The following CSGALNACT1 variants were observed in gnomAD, a reference collection of about 807,000 sequenced individuals.
The protein encoded by CSGALNACT1 is chondroitin sulfate N-acetylgalactosaminyltransferase 1.
CSGALNACT1 carries 52 observed loss-of-function variants against 51.0 expected under a neutral mutation model. That is an observed-to-expected ratio of 1.02 (90% CI 0.82 to 1.29). The LOEUF is 1.29. Ranked by LOEUF, CSGALNACT1 falls within the 50% of genes most tolerant of loss-of-function variation. The pLI, the probability that CSGALNACT1 is intolerant of heterozygous loss-of-function variation, is 0.00. For synonymous variants in CSGALNACT1, 341 were observed against 254.4 expected (o/e 1.34, Z -3.24); for missense variants, 935 against 679.2 (o/e 1.38, Z -4.19).
intron 1 of CSGALNACT1, among the ~76,000 whole-genome samples, chr8:19,617,642 A>G (rs1241604840): frequency 6.6e-6 from 1 of 152,216 alleles, no homozygotes; most frequent in African/African-American, 2.4e-5. Context: ...CCCCAGGATA[A>G]TTCTGAACAA....
At chr8:19,510,695 G>C (rs1202014421) in intron 3 of CSGALNACT1, among the ~76,000 whole-genome samples, 4 of 152,182 alleles carry the variant, frequency 2.6e-5, no homozygotes, top group African/African-American at 9.7e-5. Context: ...GGTGAGGAGT[G>C]GGAGATGGGA....
intron 3 of CSGALNACT1, among the ~76,000 whole-genome samples, chr8:19,518,925 A>C (rs2080094362): frequency 6.6e-6 from 1 of 152,218 alleles, no homozygotes; most frequent in Non-Finnish European, 1.5e-5. Context: ...CAGTGAAAAG[A>C]AGCACAGAAA....
At chr8:19,724,857 AAC>A (rs2063310045) in intron 1 of CSGALNACT1, among the ~76,000 whole-genome samples, 1 of 152,156 alleles carries the variant, frequency 6.6e-6, no homozygotes, top group Non-Finnish European at 1.5e-5. Flanking sequence ...TGGAGTGGGA[AAC>A]ACAGAGTGCC....
intron 3 of CSGALNACT1, among the ~76,000 whole-genome samples, chr8:19,569,872 A>G (rs934695458): frequency 6.6e-6 from 1 of 152,238 alleles, no homozygotes; most frequent in African/African-American, 2.4e-5. Flanking sequence ...CACAGCAACC[A>G]AATAGAACAA....
chr8:19,448,575 G>A (rs118071286), intron 5 of CSGALNACT1, among the ~76,000 whole-genome samples: 2,382 of 152,264 alleles, frequency 0.016, 31 homozygotes, highest in Non-Finnish European at 0.024. Flanking sequence ...AAAAGGCTGA[G>A]AGGAGAGCAC....
At chr8:19,483,747 ACT>A (rs1029589423) in intron 4 of CSGALNACT1, among the ~76,000 whole-genome samples, 8 of 152,194 alleles carry the variant, frequency 5.3e-5, no homozygotes, top group Admixed American at 5.2e-4. Context: ...CAGCTGGGAA[ACT>A]CTCATTTCTT....
intron 1 of CSGALNACT1, among the ~76,000 whole-genome samples, chr8:19,622,990 C>T (rs1433484957): frequency 6.6e-6 from 1 of 152,110 alleles, no homozygotes; most frequent in African/African-American, 2.4e-5. Context: ...TACTGCAAAC[C>T]ACCCTGGCAC....
rs761750014 is a variant in CSGALNACT1 at position 19,505,954 on chromosome 8, A to G, written c.-120T>C. ...GTTTGGGGCCCCCGGAGCTGCTTGCATCCATTTCCTTCTAGAACGAGTTCT... is the reference window on the plus strand; with the variant it reads ...GTTTGGGGCCCCCGGAGCTGCTTGCGTCCATTTCCTTCTAGAACGAGTTCT... On this transcript the variant is annotated 5_prime_UTR_variant, in exon 4 of 10. It removes an upstream start codon present in the reference 5' UTR. Transcript: ENST00000454498. The G allele has an allele frequency of 6.1e-6, 7 of 1,149,628 alleles. No individual in the cohort carries two copies. The highest frequency in any genetic ancestry group is 8.9e-6 in the Non-Finnish European group (7 of 788,170). 71.2% of individuals were successfully genotyped at this position (1,149,628 alleles called of 1,614,324 possible). A position where few individuals can be genotyped will look rare whatever the true frequency, so the allele number is the denominator to read the frequency against.
At chr8:19,509,807 G>A (rs762202415) in intron 3 of CSGALNACT1, among the ~76,000 whole-genome samples, 2 of 152,248 alleles carry the variant, frequency 1.3e-5, no homozygotes, top group African/African-American at 2.4e-5. Context: ...CAGACTTGCA[G>A]ATGGAAAGCA....
intron 5 of CSGALNACT1, among the ~76,000 whole-genome samples, chr8:19,450,863 T>C (rs930552685): frequency 1.1e-4 from 16 of 151,856 alleles, no homozygotes; most frequent in Non-Finnish European, 1.9e-4. Context: ...TGAGCCATGA[T>C]GGCACCACTG....
In CSGALNACT1 at chr8:19,514,722, G is replaced by C. The variant is rs2079187124; in HGVS notation, c.-296-8592C>G. Among the ~76,000 whole-genome samples, 3 of 149,932 alleles carry C rather than the reference G, an allele frequency of 2.0e-5. No homozygotes were observed. In the South Asian group the frequency reaches 6.3e-4, roughly 32 times the overall value. On this transcript the variant is annotated intron_variant, in intron 3 of 9. Transcript: ENST00000454498. ...GTGGCTCATGCCTGTAGTCCCAGCT[G>C]CTTGGGAGGCTGAGGAAGGAAAATC...
chr8:19,536,632 C>A (rs1320333782), intron 3 of CSGALNACT1, among the ~76,000 whole-genome samples: 1 of 152,088 alleles, frequency 6.6e-6, no homozygotes, highest in Non-Finnish European at 1.5e-5. Flanking sequence ...TATAAAAAAT[C>A]TCAGCAAGAT....
chr8:19,419,748 G>A (rs1180741483), intron 7 of CSGALNACT1, among the ~76,000 whole-genome samples: 1 of 152,198 alleles, frequency 6.6e-6, no homozygotes, highest in African/African-American at 2.4e-5. Context: ...GAGGGGTTAT[G>A]GACATGAACT....
At chr8:19,715,413 G>A (rs1474318647) in intron 1 of CSGALNACT1, among the ~76,000 whole-genome samples, 1 of 152,166 alleles carries the variant, frequency 6.6e-6, no homozygotes, top group African/African-American at 2.4e-5. Context: ...GTTTACTTAG[G>A]ATAATGTCCT....
intron 1 of CSGALNACT1, among the ~76,000 whole-genome samples, chr8:19,716,790 T>C (rs1489237630): frequency 6.9e-6 from 1 of 145,840 alleles, no homozygotes; most frequent in Non-Finnish European, 1.5e-5. Flanking sequence ...AGACTTTTTC[T>C]CAAAAAAAAA....
intron 3 of CSGALNACT1, among the ~76,000 whole-genome samples, chr8:19,568,667 CAAA>C (rs1213920276): frequency 6.6e-6 from 1 of 152,122 alleles, no homozygotes; most frequent in Non-Finnish European, 1.5e-5. Context: ...TATAAAACTT[CAAA>C]AAATATGAGA....
intron 1 of CSGALNACT1, among the ~76,000 whole-genome samples, chr8:19,732,209 T>A (rs940848230): frequency 1.3e-5 from 2 of 152,250 alleles, no homozygotes; most frequent in African/African-American, 2.4e-5. Flanking sequence ...GTGTTTCTCC[T>A]GCTGTCTTTG....
chr8:19,590,887 G>C (rs2047673842), intron 3 of CSGALNACT1, among the ~76,000 whole-genome samples: 3 of 152,128 alleles, frequency 2.0e-5, no homozygotes, highest in African/African-American at 4.8e-5. Context: ...GTGACCTCAA[G>C]TGATCTGCCC....
At chr8:19,494,680 C>T (rs1416379634) in intron 4 of CSGALNACT1, among the ~76,000 whole-genome samples, 1 of 152,132 alleles carries the variant, frequency 6.6e-6, no homozygotes, top group Non-Finnish European at 1.5e-5. Context: ...TTTTGAGTTG[C>T]ACTTAACCTG....
Sources: allele counts gnomAD v4.1 joint callset (sites outside exome capture counted in the v4.1 genomes callset), GRCh38; gene constraint gnomAD v4.1.1; transcripts MANE v1.5; gene names NCBI Gene and HGNC (gene_info 2026-07-23, HGNC 2026-07-21).